CAMK1D: variants seen among roughly 807,000 people sequenced by gnomAD.
The protein encoded by CAMK1D is calcium/calmodulin-dependent protein kinase type 1D.
CAMK1D carries 9 observed loss-of-function variants against 47.7 expected under a neutral mutation model. The observed-to-expected ratio is 0.19, with a 90% CI of 0.11 to 0.33. The LOEUF (loss-of-function observed/expected upper bound fraction) is 0.33. Among genes scored for constraint, CAMK1D ranks in the 10% least tolerant of loss-of-function variants. The pLI is 1.00. For synonymous variants in CAMK1D, 184 were observed against 184.9 expected (o/e 0.99, Z 0.04); for missense variants, 291 against 488.7 (o/e 0.60, Z 3.81).
intron 1 of CAMK1D, among the ~76,000 whole-genome samples, chr10:12,540,926 T>G (rs1836149052): frequency 8.8e-6 from 1 of 114,140 alleles, no homozygotes; most frequent in Non-Finnish European, 1.9e-5. Flanking sequence ...TTATAGGTTT[T>G]TTTTTTTTTT....
intron 1 of CAMK1D, among the ~76,000 whole-genome samples, chr10:12,405,048 C>T (rs1329836261): frequency 6.6e-6 from 1 of 152,108 alleles, no homozygotes; most frequent in East Asian, 1.9e-4. Context: ...AGGAGAGACC[C>T]AGCTGCCAAA....
In CAMK1D at chr10:12,711,274, C is replaced by T. The variant is rs115313688; in HGVS notation, c.299+44464C>T. Among the ~76,000 whole-genome samples the T allele has an allele frequency of 4.5e-3, 679 of 152,200 alleles. 6 individuals are homozygous for T. The highest frequency in any genetic ancestry group is 0.016 in the African/African-American group (646 of 41,516). ...CAGCAGTGGTCATAGGGGACTGGAA[C>T]GGGGGCGCCACCTGCAGGCTAAGGG... On this transcript the variant is annotated intron_variant, in intron 3 of 10. Transcript: ENST00000619168.
intron 1 of CAMK1D, among the ~76,000 whole-genome samples, chr10:12,484,562 C>T (rs1406708277): frequency 1.3e-5 from 2 of 152,200 alleles, no homozygotes; most frequent in African/African-American, 4.8e-5. Context: ...CCACTGGCAG[C>T]TGAGCTTACT....
intron 3 of CAMK1D, among the ~76,000 whole-genome samples, chr10:12,744,903 A>C (rs1226421402): frequency 6.6e-6 from 1 of 152,150 alleles, no homozygotes; most frequent in East Asian, 1.9e-4. Flanking sequence ...CCTGTCTCTA[A>C]AAATAACAAA....
intron 2 of CAMK1D, among the ~76,000 whole-genome samples, chr10:12,615,605 A>G (rs1283416051): frequency 6.6e-6 from 1 of 150,414 alleles, no homozygotes. Flanking sequence ...TGTGTTTGCA[A>G]GTATGTATAC....
chr10:12,461,252 C>T (rs1249085378), intron 1 of CAMK1D, among the ~76,000 whole-genome samples: 1 of 152,200 alleles, frequency 6.6e-6, no homozygotes, highest in East Asian at 1.9e-4. Flanking sequence ...GTTCCGTGCT[C>T]TGCGTGTTGT....
intron 1 of CAMK1D, among the ~76,000 whole-genome samples, chr10:12,413,210 A>G (rs549214374): frequency 1.8e-4 from 27 of 152,250 alleles, no homozygotes; most frequent in Admixed American, 4.6e-4. Context: ...TGGAGGGGAA[A>G]GGGGGAGCAG....
intron 1 of CAMK1D, among the ~76,000 whole-genome samples, chr10:12,439,921 A>G (rs1027258064): frequency 2.0e-5 from 3 of 152,312 alleles, no homozygotes; most frequent in South Asian, 2.1e-4. Flanking sequence ...GAGAATGAGA[A>G]CCAGGTGAAA....
At chr10:12,740,221 A>T (rs1235503248) in intron 3 of CAMK1D, among the ~76,000 whole-genome samples, 1 of 152,180 alleles carries the variant, frequency 6.6e-6, no homozygotes, top group Non-Finnish European at 1.5e-5. Flanking sequence ...AGGCCACCCC[A>T]TGAAGGAAAT....
At chr10:12,455,225 G>A (rs574345070) in intron 1 of CAMK1D, among the ~76,000 whole-genome samples, 1 of 152,300 alleles carries the variant, frequency 6.6e-6, no homozygotes, top group African/African-American at 2.4e-5. Flanking sequence ...AGGCTGGAGT[G>A]CAGTGACATG....
At chr10:12,747,620 A>G (rs1835747156) in intron 3 of CAMK1D, among the ~76,000 whole-genome samples, 1 of 152,064 alleles carries the variant, frequency 6.6e-6, no homozygotes, top group Non-Finnish European at 1.5e-5. Flanking sequence ...GAGCCACTGC[A>G]CCTCTCCAGA....
chr10:12,543,333 G>A (rs1051198365), intron 1 of CAMK1D, among the ~76,000 whole-genome samples: 2 of 152,148 alleles, frequency 1.3e-5, no homozygotes, highest in Non-Finnish European at 2.9e-5. Context: ...ACAGGTGTTA[G>A]CCACCACGCC....
At chr10:12,774,309 C>G (rs1837176811) in intron 5 of CAMK1D, among the ~76,000 whole-genome samples, 1 of 152,066 alleles carries the variant, frequency 6.6e-6, no homozygotes. Context: ...GCAGCCCTCA[C>G]TAAGAGGGTG....
chr10:12,410,850 A>G (rs1227070210), intron 1 of CAMK1D, among the ~76,000 whole-genome samples: 1 of 151,798 alleles, frequency 6.6e-6, no homozygotes, highest in African/African-American at 2.4e-5. Context: ...GCCCTCTTTT[A>G]TTGATTAATT....
chr10:12,477,861 G>T (rs927092048), intron 1 of CAMK1D, among the ~76,000 whole-genome samples: 1 of 152,162 alleles, frequency 6.6e-6, no homozygotes, highest in Non-Finnish European at 1.5e-5. Context: ...GGCAGTGGTG[G>T]TGTTGGATCC....
At position 12,694,095 on chromosome 10, in the gene CAMK1D, T is replaced by TTATA. The variant is rs1458905055; in HGVS notation, c.299+27288_299+27291dup. 1.3e-3 allele frequency among the ~76,000 whole-genome samples: 69 copies of TTATA among 53,968 alleles called. 4 individuals carry two copies. The highest frequency in any genetic ancestry group is 0.022 in the Middle Eastern group (1 of 46). 35.4% of individuals were successfully genotyped at this position (53,968 alleles called of 152,430 possible). On this transcript the variant is annotated intron_variant, in intron 3 of 10. Transcript: ENST00000619168. Reference sequence around the variant, plus strand: ...TAAAAAATATTATGTATAATATATATTATATAATATATAATATATATTATG... The same window carrying TTATA: ...TAAAAAATATTATGTATAATATATATTATATATATAATATATAATATATATTATG...
At chr10:12,770,702 TG>T (rs1836998253) in intron 5 of CAMK1D, among the ~76,000 whole-genome samples, 3 of 151,914 alleles carry the variant, frequency 2.0e-5, no homozygotes, top group Admixed American at 1.3e-4. Flanking sequence ...GAATCAGGAC[TG>T]GGCTGAGAGG....
rs116475561 is a variant in CAMK1D, at chr10:12,432,529, A to G, written c.92+82619A>G. On this transcript the variant is annotated intron_variant, in intron 1 of 10. Transcript: ENST00000619168. ...TGTGTGAATGAATGGGCAAGTGAACAAATGAATGAGTGAATGGATGAGTTA... is the reference window on the plus strand; with the variant it reads ...TGTGTGAATGAATGGGCAAGTGAACGAATGAATGAGTGAATGGATGAGTTA... Among the ~76,000 whole-genome samples, 976 of 152,334 alleles carry G rather than the reference A, an allele frequency of 6.4e-3. 8 individuals are homozygous for G. The highest frequency in any genetic ancestry group is 0.022 in the African/African-American group (925 of 41,568).
At chr10:12,767,994 T>C (rs1836858394) in intron 4 of CAMK1D, among the ~76,000 whole-genome samples, 1 of 152,214 alleles carries the variant, frequency 6.6e-6, no homozygotes, top group Non-Finnish European at 1.5e-5. Context: ...TGCCTCAGCC[T>C]CCCAAGTAGC....
Sources: gnomAD v4.1 joint callset for allele counts (sites outside exome capture counted in the v4.1 genomes callset) on GRCh38, gnomAD v4.1.1 for gene constraint, MANE v1.5 for transcripts, NCBI Gene and HGNC (gene_info 2026-07-23, HGNC 2026-07-21) for gene names.